The following RCAN2 variants were observed in gnomAD, a reference collection of about 807,000 sequenced individuals.
RCAN2 encodes the protein calcipressin-2.
RCAN2 carries 9 observed loss-of-function variants against 23.6 expected under a neutral mutation model. The ratio of observed to expected loss-of-function variants is 0.38; its 90% CI spans 0.23 to 0.67. The LOEUF is 0.67. RCAN2 is among the 30% of genes least tolerant of loss of function. The pLI, the probability that RCAN2 is intolerant of heterozygous loss-of-function variation, is 0.51. For missense variants in RCAN2, 273 were observed against 302.3 expected, an observed-to-expected ratio of 0.90 and a Z score of 0.72; for synonymous variants, 109 against 115.7, an observed-to-expected ratio of 0.94 and a Z score of 0.37.
At chr6:46,485,762 G>C (rs1768975052) in intron 1 of RCAN2, among the ~76,000 whole-genome samples, 1 of 152,016 alleles carries the variant, frequency 6.6e-6, no homozygotes, top group Non-Finnish European at 1.5e-5. Context: ...CCCTCTGGCA[G>C]TACCTCTTCT....
At chr6:46,356,189 G>T (rs1764824561) in intron 2 of RCAN2, among the ~76,000 whole-genome samples, 1 of 152,218 alleles carries the variant, frequency 6.6e-6, no homozygotes, top group African/African-American at 2.4e-5. Flanking sequence ...AGAGGGAACA[G>T]TCTATAGGCT....
At chr6:46,426,928 T>A (rs561871354) in intron 2 of RCAN2, among the ~76,000 whole-genome samples, 1 of 152,310 alleles carries the variant, frequency 6.6e-6, no homozygotes, top group South Asian at 2.1e-4. Flanking sequence ...CAAACCTGTA[T>A]GTGAATCCTT....
At chr6:46,228,531 G>T (rs1331618711) in intron 4 of RCAN2, among the ~76,000 whole-genome samples, 2 of 152,054 alleles carry the variant, frequency 1.3e-5, no homozygotes, top group Non-Finnish European at 2.9e-5. Context: ...TTATGTAATG[G>T]CCTTCTTTGT....
rs148500971 is a variant in RCAN2, at chr6:46,416,444, T to C, written c.225+40308A>G. Among the ~76,000 whole-genome samples the C allele has an allele frequency of 9.5e-4, 144 of 151,060 alleles. 2 individuals carry two copies. Among genetic ancestry groups the C allele is most frequent in the African/African-American group, 3.0e-3 (123 of 41,088 alleles). ...ATTTTTAATATAAAAATAAACATTG[T>C]TATTGTAGAATATTGGAAAATAGAT... On this transcript the variant is annotated intron_variant, in intron 2 of 4. Coordinates refer to ENST00000371374, the MANE Select transcript of RCAN2 (RefSeq NM_001251974.2).
chr6:46,271,404 C>T (rs888689037), intron 2 of RCAN2, among the ~76,000 whole-genome samples: 3 of 152,228 alleles, frequency 2.0e-5, no homozygotes, highest in African/African-American at 7.2e-5. Context: ...GAAGGTTAAA[C>T]TGCTTTACTC....
intron 2 of RCAN2, among the ~76,000 whole-genome samples, chr6:46,415,681 G>A (rs1766692633): frequency 6.6e-6 from 1 of 152,100 alleles, no homozygotes; most frequent in Admixed American, 6.5e-5. Flanking sequence ...TAGCACATAG[G>A]TGGCACCCAA....
intron 2 of RCAN2, among the ~76,000 whole-genome samples, chr6:46,375,515 A>T (rs1469880247): frequency 6.6e-6 from 1 of 151,982 alleles, no homozygotes; most frequent in Non-Finnish European, 1.5e-5. Flanking sequence ...ACAAGCTTTT[A>T]AAAACCTTCT....
intron 2 of RCAN2, among the ~76,000 whole-genome samples, chr6:46,311,272 T>C (rs1471053210): frequency 1.3e-5 from 2 of 152,180 alleles, no homozygotes; most frequent in Non-Finnish European, 2.9e-5. Flanking sequence ...CTACAGCCCA[T>C]GGCTGTATCA....
At chr6:46,280,869 G>A (rs750583363) in intron 2 of RCAN2, among the ~76,000 whole-genome samples, 2 of 152,102 alleles carry the variant, frequency 1.3e-5, no homozygotes, top group African/African-American at 2.4e-5. Flanking sequence ...TACATGTGGG[G>A]CATGTGTGTA....
At chr6:46,269,870 C>T (rs1767468134) in intron 2 of RCAN2, among the ~76,000 whole-genome samples, 1 of 152,070 alleles carries the variant, frequency 6.6e-6, no homozygotes, top group Admixed American at 6.5e-5. Flanking sequence ...ACAGGCACCC[C>T]CAGTTCAGGA....
intron 1 of RCAN2, among the ~76,000 whole-genome samples, chr6:46,470,923 T>A (rs1768539643): frequency 6.6e-6 from 1 of 152,202 alleles, no homozygotes; most frequent in Non-Finnish European, 1.5e-5. Flanking sequence ...CCTCTCCTCA[T>A]TCACCTCATT....
intron 2 of RCAN2, among the ~76,000 whole-genome samples, chr6:46,299,014 C>A (rs1486519653): frequency 6.6e-6 from 1 of 151,948 alleles, no homozygotes; most frequent in African/African-American, 2.4e-5. Context: ...GAATAGAAAA[C>A]AAAATACCCC....
intron 2 of RCAN2, among the ~76,000 whole-genome samples, chr6:46,286,222 A>C (rs1272445539): frequency 6.6e-6 from 1 of 152,208 alleles, no homozygotes; most frequent in African/African-American, 2.4e-5. Flanking sequence ...TGTTCGAATA[A>C]GGCAAATGCT....
At chr6:46,379,451 T>A in intron 2 of RCAN2, among the ~76,000 whole-genome samples, 1 of 152,152 alleles carries the variant, frequency 6.6e-6, no homozygotes, top group East Asian at 1.9e-4. Context: ...AATTATATGC[T>A]CCAGATAAAT....
chr6:46,246,840 G>C lies in RCAN2; in HGVS notation c.479C>G (p.Pro160Arg). The change falls in exon 4 of 5, where the codon CCT (proline) becomes CGT (arginine). Residue 160 changes from proline (P) to arginine (R), a missense_variant. Coordinates refer to ENST00000371374, the MANE Select transcript of RCAN2 (RefSeq NM_001251974.2). ...QPAKQFLISP[P>R]SSPPVGWQPI... ...CTGCCAGCCAACAGGTGGGGAGGAA[G>C]GGGGCGAGATGAGAAACTGTTTGGC... is the stretch of plus-strand genomic sequence containing the variant. 1 of 1,613,240 alleles carries C rather than the reference G, an allele frequency of 6.2e-7. No individual in the cohort carries two copies. The highest frequency in any genetic ancestry group is 1.7e-4 in the Middle Eastern group (1 of 5,860).
In RCAN2 at chr6:46,248,716, A is replaced by G. The variant is rs1196261075; in HGVS notation, c.399+7T>C. 26 of 1,587,010 alleles carry G rather than the reference A, an allele frequency of 1.6e-5. No individual in the cohort carries two copies. Among genetic ancestry groups the G allele is most frequent in the Non-Finnish European group, 2.1e-5 (25 of 1,168,244 alleles). On this transcript the variant is annotated splice_region_variant and intron_variant, in intron 3 of 4. Transcript: ENST00000371374. ...AAAAGAATAACTTTGGTAAACAATT[A>G]CCTTACCTGTGCAAAGTAGAGCTTT...
At chr6:46,478,758 A>T (rs1214752329) in intron 1 of RCAN2, among the ~76,000 whole-genome samples, 3 of 152,244 alleles carry the variant, frequency 2.0e-5, no homozygotes, top group Non-Finnish European at 4.4e-5. Flanking sequence ...ACTCAAAAGT[A>T]ACTAATGTAG....
Position 46,327,653 on chromosome 6 carries a change from T to C in RCAN2, c.226-78757A>G, listed in dbSNP as rs542139514. On this transcript the variant is annotated intron_variant, in intron 2 of 4. Coordinates refer to ENST00000371374, the MANE Select transcript of RCAN2 (RefSeq NM_001251974.2). Reference sequence around the variant, plus strand: ...AAGAGGCAAAACAAAGAAATGAATATTTTTTCATATGCCATGGCATATCCT... The same window carrying C: ...AAGAGGCAAAACAAAGAAATGAATACTTTTTCATATGCCATGGCATATCCT... 3.3e-5 allele frequency among the ~76,000 whole-genome samples: 5 copies of C among 152,348 alleles called. No homozygotes were observed. The South Asian group carries it at 1.0e-3, about 32-fold the overall frequency.
intron 2 of RCAN2, among the ~76,000 whole-genome samples, chr6:46,401,412 T>C (rs1281876005): frequency 6.6e-6 from 1 of 152,182 alleles, no homozygotes; most frequent in East Asian, 1.9e-4. Context: ...GAGATTCAGG[T>C]GCCTTCCCTT....
Sources: gnomAD v4.1 joint callset for allele counts (sites outside exome capture counted in the v4.1 genomes callset) on GRCh38, gnomAD v4.1.1 for gene constraint, MANE v1.5 for transcripts, NCBI Gene and HGNC (gene_info 2026-07-23, HGNC 2026-07-21) for gene names.